Variants in THSD4 observed in about 807,000 individuals in gnomAD.
THSD4 encodes the protein thrombospondin type 1 domain containing 4.
THSD4 carries 69 observed loss-of-function variants against 119.0 expected under a neutral mutation model. The ratio of observed to expected loss-of-function variants is 0.58; its 90% CI spans 0.48 to 0.71. The LOEUF (loss-of-function observed/expected upper bound fraction) is 0.71, where lower values mean the gene tolerates loss of function less well. Ranked by LOEUF, THSD4 falls within the 30% of genes least tolerant of loss-of-function variation. The probability of loss-of-function intolerance (pLI) is 0.00; values close to 1 mark genes in which losing one functional copy is unlikely to be tolerated. For synonymous variants in THSD4, 524 were observed against 540.4 expected, an observed-to-expected ratio of 0.97 and a Z score of 0.42; for missense variants, 1,393 against 1,391.1, an observed-to-expected ratio of 1.00 and a Z score of -0.02.
At chr15:71,652,606 A>G (rs1443700576) in intron 7 of THSD4, among the ~76,000 whole-genome samples, 1 of 152,196 alleles carries the variant, frequency 6.6e-6, no homozygotes, top group African/African-American at 2.4e-5. Flanking sequence ...TAATTATCTT[A>G]CAGAATATGA....
chr15:71,215,263 A>C lies in THSD4; in HGVS notation c.328A>C (p.Thr110Pro), dbSNP rs1438397664. 7.3e-6 allele frequency: 11 copies of C among 1,500,936 alleles called. No homozygotes were observed. The East Asian group carries it at 2.5e-4, about 34-fold the overall frequency. 93.0% of individuals were successfully genotyped at this position (1,500,936 alleles called of 1,614,324 possible). Residue 110 changes from threonine to proline, a missense_variant, in exon 4 of 18, where the codon ACG becomes CCG. Thr to Pro is a conservative substitution (Grantham distance 38). Transcript: ENST00000261862. Reference protein sequence around the residue: ...FADHVVSAVRTSVPLHRSRDE... With the variant: ...FADHVVSAVRPSVPLHRSRDE... ...GGACCACGTGGTGTCGGCGGTGCGC[A>C]CGTCGGTGCCACTGCACCGGAGCCG...
intron 6 of THSD4, among the ~76,000 whole-genome samples, chr15:71,357,561 C>G (rs2045835312): frequency 3.3e-5 from 5 of 152,292 alleles, no homozygotes; most frequent in Middle Eastern, 6.8e-3. Flanking sequence ...GGAGGCTATG[C>G]AGAGCCCCAC....
intron 7 of THSD4, among the ~76,000 whole-genome samples, chr15:71,652,294 T>C (rs1283652607): frequency 6.6e-6 from 1 of 152,104 alleles, no homozygotes; most frequent in Non-Finnish European, 1.5e-5. Context: ...CACTAAAAAA[T>C]TACAATAAAA....
At chr15:71,736,487 C>CTCTGTGTCTCTGTCTTGCTCTCTCTA (rs2053111658) in intron 10 of THSD4, among the ~76,000 whole-genome samples, 1 of 151,858 alleles carries the variant, frequency 6.6e-6, no homozygotes, top group Admixed American at 6.6e-5. Context: ...CACTCTCTGT[C>CTCTGTGTCTCTGTCTTGCTCTCTCTA]TCTGTGTCTC....
chr15:71,265,723 G>A (rs4777354), intron 6 of THSD4, among the ~76,000 whole-genome samples: 2 of 152,148 alleles, frequency 1.3e-5, no homozygotes, highest in African/African-American at 4.8e-5. Flanking sequence ...TTCTCGCTGC[G>A]CGCACAGCAG....
intron 7 of THSD4, among the ~76,000 whole-genome samples, chr15:71,460,742 G>A (rs1198337828): frequency 1.3e-5 from 2 of 152,144 alleles, no homozygotes; most frequent in Non-Finnish European, 2.9e-5. Context: ...GCTACGTTTC[G>A]TATTTAATGC....
chr15:71,660,852 CT>C, intron 8 of THSD4, 118 bp downstream of exon 8: 2 of 1,155,202 alleles, frequency 1.7e-6, no homozygotes, highest in South Asian at 2.9e-5. Flanking sequence ...GGCAGTGCCC[CT>C]GGGGAATGTC....
At chr15:71,266,126 C>T (rs1345371058) in intron 6 of THSD4, among the ~76,000 whole-genome samples, 8 of 152,252 alleles carry the variant, frequency 5.3e-5, no homozygotes, top group Non-Finnish European at 1.2e-4. Context: ...CAGACTGCCT[C>T]CTCAAGTGGG....
At chr15:71,292,919 G>T (rs567556962) in intron 6 of THSD4, among the ~76,000 whole-genome samples, 1 of 152,074 alleles carries the variant, frequency 6.6e-6, no homozygotes, top group African/African-American at 2.4e-5. Flanking sequence ...CTTGTGATCC[G>T]CCCATCTTGG....
intron 8 of THSD4, among the ~76,000 whole-genome samples, chr15:71,721,844 G>T (rs935886142): frequency 2.6e-5 from 4 of 151,776 alleles, no homozygotes; most frequent in African/African-American, 9.7e-5. Context: ...AGGCATGATG[G>T]CTCACACCTG....
chr15:71,491,658 C>A (rs1297927223), intron 7 of THSD4, among the ~76,000 whole-genome samples: 2 of 152,088 alleles, frequency 1.3e-5, no homozygotes, highest in Non-Finnish European at 2.9e-5. Context: ...ATTAATTGAA[C>A]CCAGGAGTTT....
chr15:71,498,647 T>G (rs2048063588), intron 7 of THSD4, among the ~76,000 whole-genome samples: 2 of 152,090 alleles, frequency 1.3e-5, no homozygotes, highest in South Asian at 4.1e-4. Flanking sequence ...CTGCCTCTGG[T>G]TTCTGCCTTT....
At chr15:71,236,892 T>A (rs1425559154) in intron 4 of THSD4, among the ~76,000 whole-genome samples, 1 of 152,138 alleles carries the variant, frequency 6.6e-6, no homozygotes, top group African/African-American at 2.4e-5. Flanking sequence ...GGAGGGCGGT[T>A]TGGACCAGGA....
At chr15:71,582,993 G>A (rs1051429245) in intron 7 of THSD4, among the ~76,000 whole-genome samples, 2 of 152,126 alleles carry the variant, frequency 1.3e-5, no homozygotes, top group Non-Finnish European at 2.9e-5. Flanking sequence ...AAGGGTCTGG[G>A]AAACTTTGGC....
intron 6 of THSD4, among the ~76,000 whole-genome samples, chr15:71,259,633 C>G (rs1367253511): frequency 6.6e-6 from 1 of 152,066 alleles, no homozygotes; most frequent in Non-Finnish European, 1.5e-5. Flanking sequence ...GAGGAGCCTC[C>G]TAGAGACACT....
intron 7 of THSD4, among the ~76,000 whole-genome samples, chr15:71,518,072 C>T (rs745608268): frequency 4.6e-5 from 7 of 152,100 alleles, no homozygotes. Context: ...CCAAGTGGAC[C>T]CAAGAGCCCT....
chr15:71,568,437 C>T (rs935338634), intron 7 of THSD4, among the ~76,000 whole-genome samples: 9 of 152,024 alleles, frequency 5.9e-5, no homozygotes, highest in Non-Finnish European at 1.5e-5. Flanking sequence ...GATTCAGGAT[C>T]CCATGATTCT....
chr15:71,672,097 T>C (rs1246904633), intron 8 of THSD4, among the ~76,000 whole-genome samples: 2 of 152,212 alleles, frequency 1.3e-5, no homozygotes, highest in African/African-American at 2.4e-5. Flanking sequence ...TTTCACAATA[T>C]TGATTCTTCC....
intron 8 of THSD4, among the ~76,000 whole-genome samples, chr15:71,676,851 G>C (rs1480867593): frequency 6.6e-6 from 1 of 152,144 alleles, no homozygotes; most frequent in Non-Finnish European, 1.5e-5. Flanking sequence ...CCATTCATCT[G>C]TTGATGGGCA....
Sources: gnomAD v4.1 joint callset for allele counts (sites outside exome capture counted in the v4.1 genomes callset) on GRCh38, gnomAD v4.1.1 for gene constraint, MANE v1.5 for transcripts, NCBI Gene and HGNC (gene_info 2026-07-23, HGNC 2026-07-21) for gene names.